Variants in APPBP2 observed in about 807,000 individuals in gnomAD.
APPBP2 encodes the protein amyloid protein-binding protein 2.
APPBP2 carries 15 observed loss-of-function variants against 76.0 expected under a neutral mutation model. The ratio of observed to expected loss-of-function variants is 0.20; its 90% CI spans 0.13 to 0.30. APPBP2 has a LOEUF of 0.30. Among genes scored for constraint, APPBP2 ranks in the 10% least tolerant of loss-of-function variants. APPBP2 has a pLI of 1.00. For synonymous variants in APPBP2, 222 were observed against 242.2 expected (o/e 0.92, Z 0.77); for missense variants, 401 against 687.2 (o/e 0.58, Z 4.66).
chr17:60,469,626 G>C (rs1174162987), intron 4 of APPBP2, among the ~76,000 whole-genome samples: 1 of 152,114 alleles, frequency 6.6e-6, no homozygotes, highest in East Asian at 1.9e-4. Flanking sequence ...TTTCATGTAA[G>C]TGGAACCATA....
intron 3 of APPBP2, 71 bp downstream of exon 3, chr17:60,494,395 G>T: frequency 6.5e-7 from 1 of 1,547,510 alleles, no homozygotes; most frequent in Non-Finnish European, 8.7e-7. Context: ...AGCCCTGGAA[G>T]AATTCTTTGT....
intron 5 of APPBP2, chr17:60,465,000 C>A (rs1199528810): frequency 6.6e-6 from 1 of 152,198 alleles, no homozygotes; most frequent in Non-Finnish European, 1.5e-5. Context: ...CACTCCAGAC[C>A]TTGGTGATGG....
Position 60,446,295 on chromosome 17 carries a change from ACCT to A in APPBP2, c.*1283_*1285del, listed in dbSNP as rs2090346614. ...TCACAAATTCTTAAATTTGATTATT[ACCT>A]CATCATTAAATAACCTGACTGGCTT... On this transcript the variant is annotated 3_prime_UTR_variant, in exon 13 of 13. Transcript: ENST00000083182. The A allele has an allele frequency of 6.6e-6, 1 of 152,582 alleles. No individual in the cohort carries two copies. The highest frequency in any genetic ancestry group is 1.5e-5 in the Non-Finnish European group (1 of 68,028). 9.5% of individuals were successfully genotyped at this position (152,582 alleles called of 1,614,324 possible). A position where few individuals can be genotyped will look rare whatever the true frequency, so the allele number is the denominator to read the frequency against.
At chr17:60,478,649 CG>C (rs2090607745) in intron 4 of APPBP2, among the ~76,000 whole-genome samples, 1 of 152,190 alleles carries the variant, frequency 6.6e-6, no homozygotes, top group South Asian at 2.1e-4. Context: ...GGGCCAGGCA[CG>C]GTGGCTCATG....
At chr17:60,486,790 G>A (rs75787416) in intron 3 of APPBP2, among the ~76,000 whole-genome samples, 11 of 152,174 alleles carry the variant, frequency 7.2e-5, no homozygotes, top group Admixed American at 5.2e-4. Flanking sequence ...TCCGAGCATC[G>A]ATGGTCTTTA....
chr17:60,489,813 A>G (rs1485426295), intron 3 of APPBP2, among the ~76,000 whole-genome samples: 1 of 152,016 alleles, frequency 6.6e-6, no homozygotes, highest in Non-Finnish European at 1.5e-5. Context: ...AGGTGGGTGG[A>G]CCACTTGACG....
chr17:60,478,122 A>G (rs544004853), intron 4 of APPBP2, among the ~76,000 whole-genome samples: 3 of 152,318 alleles, frequency 2.0e-5, no homozygotes, highest in East Asian at 3.8e-4. Context: ...TAATTCCATA[A>G]AAATAGAAGA....
intron 1 of APPBP2, among the ~76,000 whole-genome samples, chr17:60,515,969 A>G (rs547067618): frequency 1.3e-5 from 2 of 152,330 alleles, no homozygotes; most frequent in South Asian, 4.1e-4. Context: ...GTTGGAGACC[A>G]GCTTGGCCAA....
At position 60,446,762 on chromosome 17, in the gene APPBP2, C is replaced by G. The variant is rs1225890075; in HGVS notation, c.*819G>C. The G allele has an allele frequency of 1.3e-5, 2 of 152,154 alleles. No homozygotes were observed. Among genetic ancestry groups the G allele is most frequent in the African/African-American group, 4.8e-5 (2 of 41,438 alleles). 9.4% of individuals were successfully genotyped at this position (152,154 alleles called of 1,614,324 possible). A position where few individuals can be genotyped will look rare whatever the true frequency, so the allele number is the denominator to read the frequency against. ...TGCATTATCCTTTTTCATTATACAT[C>G]TAAATGAAATCATTCTACTGATAAA... On this transcript the variant is annotated 3_prime_UTR_variant, in exon 13 of 13. Transcript: ENST00000083182.
intron 1 of APPBP2, among the ~76,000 whole-genome samples, chr17:60,515,965 G>T (rs147531734): frequency 6.6e-6 from 1 of 152,166 alleles, no homozygotes; most frequent in Non-Finnish European, 1.5e-5. Flanking sequence ...AGGAGTTGGA[G>T]ACCAGCTTGG....
chr17:60,515,980 C>T (rs1045715738), intron 1 of APPBP2, among the ~76,000 whole-genome samples: 1 of 152,188 alleles, frequency 6.6e-6, no homozygotes, highest in African/African-American at 2.4e-5. Flanking sequence ...GCTTGGCCAA[C>T]ATGGTGAAAA....
intron 3 of APPBP2, among the ~76,000 whole-genome samples, chr17:60,493,783 G>A (rs983370999): frequency 3.3e-5 from 5 of 151,634 alleles, no homozygotes; most frequent in African/African-American, 1.2e-4. Context: ...GGGATTACTG[G>A]CATGCGTCAC....
chr17:60,504,718 T>G lies in APPBP2; in HGVS notation c.139-4231A>C, dbSNP rs549034722. ...ACTTGGGAAGCTGAGGCATAAGAAT[T>G]GCACAAAGTCAGGAGGCGGAGGTTG... On this transcript the variant is annotated intron_variant, in intron 1 of 12. Coordinates refer to ENST00000083182, the MANE Select transcript of APPBP2 (RefSeq NM_006380.5). Among the ~76,000 whole-genome samples, 4 of 152,238 alleles carry G rather than the reference T, an allele frequency of 2.6e-5. No individual in the cohort carries two copies. In the South Asian group the frequency reaches 8.3e-4, roughly 32 times the overall value.
At chr17:60,500,679 T>C (rs765830733) in intron 1 of APPBP2, among the ~76,000 whole-genome samples, 192 bp from the exon 2 acceptor site, 8 of 152,200 alleles carry the variant, frequency 5.3e-5, no homozygotes, top group East Asian at 3.8e-4. Context: ...AAATTGGTAT[T>C]TGTAAACCAC....
At chr17:60,464,175 A>G in intron 5 of APPBP2, 65 bp from the exon 6 acceptor site, 1 of 1,273,654 alleles carries the variant, frequency 7.9e-7, no homozygotes, top group Non-Finnish European at 1.1e-6. Context: ...ATTTAACAAG[A>G]TGACTGCAAA....
Position 60,446,388 on chromosome 17 carries a change from G to A in APPBP2, c.*1193C>T, listed in dbSNP as rs2090347405. On this transcript the variant is annotated 3_prime_UTR_variant, in exon 13 of 13. Transcript: ENST00000083182. Reference sequence around the variant, plus strand: ...GTTAGTGAAATAGGTGTATTATTAGGGGATCTTTCCATTTGACTCCTAGAT... The same window carrying A: ...GTTAGTGAAATAGGTGTATTATTAGAGGATCTTTCCATTTGACTCCTAGAT... The A allele has an allele frequency of 6.6e-6, 1 of 152,144 alleles. No individual in the cohort carries two copies. Among genetic ancestry groups the A allele is most frequent in the Admixed American group, 6.6e-5 (1 of 15,254 alleles). 9.4% of individuals were successfully genotyped at this position (152,144 alleles called of 1,614,324 possible). A position where few individuals can be genotyped will look rare whatever the true frequency, so the allele number is the denominator to read the frequency against.
intron 3 of APPBP2, among the ~76,000 whole-genome samples, chr17:60,482,177 G>A (rs149039970): frequency 4.1e-4 from 63 of 152,284 alleles, no homozygotes; most frequent in African/African-American, 1.4e-3. Context: ...CACCGCGTCC[G>A]GCCGGGTTAC....
intron 1 of APPBP2, among the ~76,000 whole-genome samples, chr17:60,518,295 C>T (rs1329254291): frequency 6.6e-6 from 1 of 151,740 alleles, no homozygotes; most frequent in Non-Finnish European, 1.5e-5. Flanking sequence ...AATCTGCCTG[C>T]CTCGGCCTCT....
chr17:60,511,974 C>A (rs1199701280), intron 1 of APPBP2, among the ~76,000 whole-genome samples: 1 of 152,092 alleles, frequency 6.6e-6, no homozygotes, highest in Non-Finnish European at 1.5e-5. Flanking sequence ...TATATAGATT[C>A]TGGGAAAAGT....
Sources: gnomAD v4.1 joint callset for allele counts (sites outside exome capture counted in the v4.1 genomes callset) on GRCh38, gnomAD v4.1.1 for gene constraint, MANE v1.5 for transcripts, NCBI Gene and HGNC (gene_info 2026-07-23, HGNC 2026-07-21) for gene names.